FBN2: variants seen among roughly 807,000 people sequenced by gnomAD.
FBN2 encodes the protein fibrillin 2, also known as fibrillin-2.
FBN2 carries 105 observed loss-of-function variants against 355.6 expected under a neutral mutation model. That is an observed-to-expected ratio of 0.30 (90% CI 0.25 to 0.35). FBN2 has a LOEUF of 0.35. Ranked by LOEUF, FBN2 falls within the 10% of genes least tolerant of loss-of-function variation. FBN2 has a pLI of 1.00. For synonymous variants in FBN2, 1,350 were observed against 1,301.2 expected, an observed-to-expected ratio of 1.04 and a Z score of -0.81; for missense variants, 3,280 against 3,758.7, an observed-to-expected ratio of 0.87 and a Z score of 3.33.
At chr5:128,473,152 G>C (rs920624849) in intron 5 of FBN2, among the ~76,000 whole-genome samples, 1 of 152,154 alleles carries the variant, frequency 6.6e-6, no homozygotes, top group Non-Finnish European at 1.5e-5. Context: ...GAACTGCTGG[G>C]TCAAGTGTCC....
intron 7 of FBN2, among the ~76,000 whole-genome samples, chr5:128,423,779 G>A (rs1189670853): frequency 6.6e-6 from 1 of 152,162 alleles, no homozygotes; most frequent in Non-Finnish European, 1.5e-5. Flanking sequence ...TAGAAAGGTA[G>A]TTGTGCTGCA....
Position 128,305,643 on chromosome 5 carries a change from G to A in FBN2, c.5549-7C>T. On this transcript the variant is annotated splice_polypyrimidine_tract_variant and splice_region_variant and intron_variant, in intron 43 of 64. Coordinates refer to ENST00000262464, the MANE Select transcript of FBN2 (RefSeq NM_001999.4). ...TTGCTGCACTCATCTATATCTGAAA[G>A]AGCAACAATTCCATTTTAAAGAGTC... 2 of 1,613,880 alleles carry A rather than the reference G, an allele frequency of 1.2e-6. No homozygotes were observed. The highest frequency in any genetic ancestry group is 1.7e-6 in the Non-Finnish European group (2 of 1,179,864).
At chr5:128,404,884 G>A (rs1752886377) in intron 8 of FBN2, among the ~76,000 whole-genome samples, 1 of 152,186 alleles carries the variant, frequency 6.6e-6, no homozygotes, top group Non-Finnish European at 1.5e-5. Context: ...AAAGAAAAGC[G>A]ATACTGGCCA....
intron 5 of FBN2, among the ~76,000 whole-genome samples, chr5:128,490,383 C>T (rs1037192377): frequency 6.6e-6 from 1 of 152,144 alleles, no homozygotes; most frequent in Admixed American, 6.6e-5. Flanking sequence ...ATGGAAGCCA[C>T]AGCAAGTGCA....
At chr5:128,514,574 A>G (rs1033330609) in intron 5 of FBN2, among the ~76,000 whole-genome samples, 4 of 152,190 alleles carry the variant, frequency 2.6e-5, no homozygotes, top group African/African-American at 9.6e-5. Flanking sequence ...AATAAATATT[A>G]AATATTTAAA....
Position 128,334,953 on chromosome 5 carries a change from A to G in FBN2, c.3974-109T>C, listed in dbSNP as rs1430670352. Reference sequence around the variant, plus strand: ...GAAATACACAGGCAAGATCTAAAATATAATCCATCCGCAAATCATCGTGTT... The same window carrying G: ...GAAATACACAGGCAAGATCTAAAATGTAATCCATCCGCAAATCATCGTGTT... On this transcript the variant is annotated intron_variant, in intron 30 of 64. Coordinates refer to ENST00000262464, the MANE Select transcript of FBN2 (RefSeq NM_001999.4). 6 of 1,204,884 alleles carry G rather than the reference A, an allele frequency of 5.0e-6. No homozygotes were observed. In the Admixed American group the frequency reaches 1.1e-4, roughly 23 times the overall value. The allele number at this position is 1,204,884 out of a possible 1,614,324, so 74.6% of individuals were successfully genotyped here.
chr5:128,321,364 G>A (rs463035), intron 34 of FBN2, among the ~76,000 whole-genome samples: 46,027 of 151,904 alleles, frequency 0.3, 7,117 homozygotes, highest in Non-Finnish European at 0.33. Flanking sequence ...TTACATAGGT[G>A]TATGTGTGCC....
At chr5:128,485,302 C>T (rs1002784696) in intron 5 of FBN2, among the ~76,000 whole-genome samples, 16 of 152,136 alleles carry the variant, frequency 1.1e-4, no homozygotes, top group Admixed American at 8.5e-4. Flanking sequence ...AGATTACAGG[C>T]ATGAGCCACC....
intron 31 of FBN2, among the ~76,000 whole-genome samples, chr5:128,333,368 C>T (rs977925103): frequency 2.6e-5 from 4 of 152,066 alleles, no homozygotes; most frequent in Non-Finnish European, 4.4e-5. Context: ...ATAAAGAGGA[C>T]ATTCGATTAC....
At chr5:128,326,783 C>T (rs1388529242) in intron 34 of FBN2, among the ~76,000 whole-genome samples, 1 of 152,022 alleles carries the variant, frequency 6.6e-6, no homozygotes. Context: ...ACAGGTGTGC[C>T]AACCCTCAGC....
intron 4 of FBN2, among the ~76,000 whole-genome samples, 164 bp from the exon 5 acceptor site, chr5:128,519,532 A>G (rs1273433705): frequency 2.6e-5 from 4 of 152,088 alleles, no homozygotes; most frequent in Non-Finnish European, 5.9e-5. Flanking sequence ...CACATCTTAA[A>G]TTTAAGTAAA....
At position 128,496,487 on chromosome 5, in the gene FBN2, G is replaced by A. The variant is rs540361426; in HGVS notation, c.628+22786C>T. On this transcript the variant is annotated intron_variant, in intron 5 of 64. Coordinates refer to ENST00000262464, the MANE Select transcript of FBN2 (RefSeq NM_001999.4). The stretch of plus-strand genomic sequence containing the variant: ...CATAATAAAAACACTAAAAAACTAG[G>A]AGTAGAAGGGAACTTCCTCAGCATA... 2.0e-5 allele frequency among the ~76,000 whole-genome samples: 3 copies of A among 152,012 alleles called. No homozygotes were observed. The East Asian group carries it at 5.8e-4, about 29-fold the overall frequency.
intron 6 of FBN2, among the ~76,000 whole-genome samples, chr5:128,450,730 T>C (rs1439935695): frequency 6.6e-6 from 1 of 151,990 alleles, no homozygotes; most frequent in Non-Finnish European, 1.5e-5. Flanking sequence ...CTATAAAACC[T>C]GGCTTTTGGA....
At chr5:128,443,255 AAAACAAAAAATGCTAAGATGAAGC>A (rs1374228550) in intron 7 of FBN2, among the ~76,000 whole-genome samples, 2 of 152,220 alleles carry the variant, frequency 1.3e-5, no homozygotes, top group African/African-American at 4.8e-5. Context: ...AATTATTAAC[AAAACAAAAAATGCTAAGATGAAGC>A]AAAAATTCCT....
At chr5:128,280,778 A>G (rs918983244) in intron 55 of FBN2, among the ~76,000 whole-genome samples, 5 of 152,212 alleles carry the variant, frequency 3.3e-5, no homozygotes, top group Non-Finnish European at 5.9e-5. Flanking sequence ...GGTTTTGAGT[A>G]AAATCACAGG....
In FBN2 at chr5:128,449,244, C is replaced by G. The variant is rs146018485; in HGVS notation, c.827-2638G>C. 1.6e-4 allele frequency among the ~76,000 whole-genome samples: 24 copies of G among 149,370 alleles called. No homozygotes were observed. In the East Asian group the frequency reaches 4.5e-3, roughly 28 times the overall value. On this transcript the variant is annotated intron_variant, in intron 6 of 64. Coordinates refer to ENST00000262464, the MANE Select transcript of FBN2 (RefSeq NM_001999.4). Reference sequence around the variant, plus strand: ...TGAAAAATTGAAGAGGTAAATGGTACCATTGTAAAGTTATTACATTATAAG... The same window carrying G: ...TGAAAAATTGAAGAGGTAAATGGTAGCATTGTAAAGTTATTACATTATAAG...
At chr5:128,419,491 T>C (rs975848689) in intron 7 of FBN2, among the ~76,000 whole-genome samples, 1 of 152,126 alleles carries the variant, frequency 6.6e-6, no homozygotes, top group Non-Finnish European at 1.5e-5. Flanking sequence ...TCTATTCTTA[T>C]TTTTTTCTTT....
intron 7 of FBN2, among the ~76,000 whole-genome samples, chr5:128,409,365 G>A (rs912692082): frequency 1.3e-5 from 2 of 152,138 alleles, no homozygotes; most frequent in African/African-American, 4.8e-5. Context: ...AAAAACTTGG[G>A]AGGCTTTGGG....
chr5:128,274,016 T>A (rs781576888), intron 60 of FBN2, 48 bp from the exon 61 acceptor site: 1 of 1,609,372 alleles, frequency 6.2e-7, no homozygotes, highest in Non-Finnish European at 8.5e-7. Flanking sequence ...AATCATAACA[T>A]GTCTTACGTT....
Sources: gnomAD v4.1 joint callset for allele counts (sites outside exome capture counted in the v4.1 genomes callset) on GRCh38, gnomAD v4.1.1 for gene constraint, MANE v1.5 for transcripts, NCBI Gene and HGNC (gene_info 2026-07-23, HGNC 2026-07-21) for gene names.